The following BSN variants were observed in gnomAD, a reference collection of about 807,000 sequenced individuals.
BSN encodes bassoon presynaptic cytomatrix protein, also known as protein bassoon.
A neutral mutation model predicts 264.8 loss-of-function variants in BSN; 57 were observed. The observed-to-expected ratio is 0.22, with a 90% CI of 0.17 to 0.27. BSN has a LOEUF of 0.27. BSN is among the 10% of genes least tolerant of loss of function. The pLI is 1.00. For missense variants in BSN, 4,615 were observed against 5,232.5 expected (o/e 0.88, Z 3.64); for synonymous variants, 2,059 against 2,137.3 (o/e 0.96, Z 1.01).
chr3:49,626,383 G>A (rs2052341271), intron 2 of BSN, among the ~76,000 whole-genome samples: 1 of 152,124 alleles, frequency 6.6e-6, no homozygotes, highest in East Asian at 1.9e-4. Context: ...TTGTTCACAG[G>A]TCAGGGTCTA....
intron 1 of BSN, among the ~76,000 whole-genome samples, chr3:49,619,270 T>C (rs1195769679): frequency 1.3e-5 from 2 of 152,230 alleles, no homozygotes; most frequent in African/African-American, 4.8e-5. Context: ...GCTTACTGAG[T>C]GTCCATTCAA....
At position 49,585,444 on chromosome 3, in the gene BSN, G is replaced by A. The variant is rs1251752845; in HGVS notation, c.224+30618G>A. 1.3e-5 allele frequency among the ~76,000 whole-genome samples: 2 copies of A among 152,200 alleles called. No homozygotes were observed. Among genetic ancestry groups the A allele is most frequent in the African/African-American group, 4.8e-5 (2 of 41,458 alleles). On this transcript the variant is annotated intron_variant, in intron 1 of 11. Transcript: ENST00000296452. This position sits in a 1 kb window ranked among gnomAD's most constrained non-coding sequence, Gnocchi z 4.7. ...CTCCCTTCCCAGGCCGCAGCGGACA[G>A]ACAGGGATTGGGTTTCGTGTGCCTG...
In BSN at chr3:49,653,767, C is replaced by G. The variant is rs375909508; in HGVS notation, c.4211C>G (p.Ala1404Gly). The change falls in exon 5 of 12, where the codon GCA (alanine) becomes GGA (glycine). Residue 1404 changes from alanine to glycine, a missense_variant. By Grantham distance (60) the Ala-to-Gly change is moderately conservative. Coordinates refer to ENST00000296452, the MANE Select transcript of BSN (RefSeq NM_003458.4). The surrounding 1 kb of genome is among the most constrained non-coding windows in gnomAD (Gnocchi z 6.3). ...PRGYMTPASP[A>G]GSERSPSPSS... ...GGATATATGACTCCAGCCTCCCCAG[C>G]AGGCTCCGAGCGTAGTCCTTCACCA... 6.2e-7 allele frequency: 1 copy of G among 1,614,118 alleles called. No homozygotes were observed. The highest frequency in any genetic ancestry group is 1.3e-5 in the African/African-American group (1 of 75,008).
chr3:49,613,575 A>G (rs1031452624), intron 1 of BSN, among the ~76,000 whole-genome samples: 22 of 151,350 alleles, frequency 1.5e-4, no homozygotes, highest in African/African-American at 5.1e-4. Context: ...GCTCACTGCA[A>G]CCTCCACCTC....
rs1434669425 is a variant in BSN, at chr3:49,585,893, G to A, written c.224+31067G>A. On this transcript the variant is annotated intron_variant, in intron 1 of 11. Transcript: ENST00000296452. The surrounding 1 kb of genome is among the most constrained non-coding windows in gnomAD (Gnocchi z 4.7). ...TTTTATATGCCTGTTTGCCATTCGT[G>A]TGTCTTCTTTTGAGAAATGTCTATT... 1.8e-4 allele frequency among the ~76,000 whole-genome samples: 28 copies of A among 152,078 alleles called. No homozygotes were observed.
Position 49,643,067 on chromosome 3 carries a change from G to C in BSN, c.1433G>C (p.Ser478Thr), listed in dbSNP as rs1454826944. 6.2e-7 allele frequency: 1 copy of C among 1,613,900 alleles called. No homozygotes were observed. The highest frequency in any genetic ancestry group is 1.3e-5 in the African/African-American group (1 of 74,944). Residue 478 changes from serine to threonine, a missense_variant, in exon 3 of 12, where the codon AGC (serine) becomes ACC (threonine). This residue lies in a region of BSN where 1,197 missense variants were observed against 1,348.0 expected (regional missense o/e 0.89). Coordinates refer to ENST00000296452, the MANE Select transcript of BSN (RefSeq NM_003458.4). ...GCCGAGCTCAACGTGGGCAGCAAGA[G>C]CCCAGCCAACTATAACACATGCACC... ...CQAELNVGSK[S>T]PANYNTCTTC...
chr3:49,614,879 C>G (rs2052247485), intron 1 of BSN, among the ~76,000 whole-genome samples: 1 of 152,198 alleles, frequency 6.6e-6, no homozygotes, highest in African/African-American at 2.4e-5. Flanking sequence ...TAGACCCACT[C>G]AGGCCCCAGG....
intron 1 of BSN, among the ~76,000 whole-genome samples, chr3:49,609,089 C>CTTTTTT (rs35003449): frequency 2.2e-5 from 2 of 89,034 alleles, no homozygotes; most frequent in African/African-American, 4.3e-5. Flanking sequence ...GTTAAATTGA[C>CTTTTTT]TTTTTTTTTT....
intron 3 of BSN, among the ~76,000 whole-genome samples, 173 bp downstream of exon 3, chr3:49,643,325 C>T (rs562195457): frequency 6.6e-5 from 10 of 152,342 alleles, no homozygotes; most frequent in Middle Eastern, 3.4e-3. Flanking sequence ...CCTCAGGCCC[C>T]AGTTCTACTC....
intron 1 of BSN, among the ~76,000 whole-genome samples, chr3:49,605,177 T>C (rs1014348543): frequency 1.4e-5 from 2 of 144,138 alleles, no homozygotes; most frequent in African/African-American, 5.2e-5. Flanking sequence ...GGAGAATTGC[T>C]TGAACCTGGG....
chr3:49,654,808 A>C lies in BSN; in HGVS notation c.5252A>C (p.Tyr1751Ser). The change falls in exon 5 of 12, where the codon TAT becomes TCT. Residue 1751 changes from tyrosine to serine, a missense_variant. By Grantham distance (144) the Tyr-to-Ser change is moderately radical. Around this residue, in one of 3 missense-constraint regions of BSN, gnomAD observed 3,415 missense variants for 3,866.4 expected, o/e 0.88. Transcript: ENST00000296452. The surrounding 1 kb of genome is among the most constrained non-coding windows in gnomAD (Gnocchi z 4.1). ...FMAQQKQPVV[Y>S]GDPYQSRLDF... ...GCTCAACAAAAGCAGCCTGTGGTCT[A>C]TGGAGACCCCTACCAGAGCCGCCTT... 1 of 1,613,424 alleles carries C rather than the reference A, an allele frequency of 6.2e-7. No homozygotes were observed. The highest frequency in any genetic ancestry group is 8.5e-7 in the Non-Finnish European group (1 of 1,179,920).
chr3:49,583,200 C>T lies in BSN; in HGVS notation c.224+28374C>T, dbSNP rs535416874. On this transcript the variant is annotated intron_variant, in intron 1 of 11. Coordinates refer to ENST00000296452, the MANE Select transcript of BSN (RefSeq NM_003458.4). ...GCCAGGCTGGTCTCAAACTCCTGGC[C>T]TCAAGTGATTTGCCCACCTCGGCCT... is the stretch of plus-strand genomic sequence containing the variant. Among the ~76,000 whole-genome samples, 4 of 151,942 alleles carry T rather than the reference C, an allele frequency of 2.6e-5. No individual in the cohort carries two copies. The South Asian group carries it at 8.3e-4, about 32-fold the overall frequency.
intron 8 of BSN, 50 bp from the exon 9 acceptor site, chr3:49,664,373 T>C (rs2052694001): frequency 6.2e-7 from 1 of 1,613,016 alleles, no homozygotes; most frequent in South Asian, 1.1e-5. Context: ...TCTTAGACCC[T>C]AAAGAGCCAG....
At chr3:49,578,866 T>C (rs1050645035) in intron 1 of BSN, among the ~76,000 whole-genome samples, 2 of 152,204 alleles carry the variant, frequency 1.3e-5, no homozygotes, top group African/African-American at 4.8e-5. Flanking sequence ...ACATTTCATA[T>C]AAATGGAATC....
At chr3:49,662,739 G>GGTT in intron 6 of BSN, 137 bp from the exon 7 acceptor site, 1 of 1,364,398 alleles carries the variant, frequency 7.3e-7, no homozygotes, top group Non-Finnish European at 9.7e-7. Flanking sequence ...CCGTGGTTGC[G>GGTT]GGAGGGTGGG....
intron 1 of BSN, among the ~76,000 whole-genome samples, chr3:49,584,361 C>G (rs1275868575): frequency 6.6e-6 from 1 of 151,482 alleles, no homozygotes; most frequent in Non-Finnish European, 1.5e-5. Flanking sequence ...TATTTCACCT[C>G]TAATCTTTAT....
At chr3:49,658,972 G>T (rs2052632718) in intron 5 of BSN, among the ~76,000 whole-genome samples, 1 of 152,194 alleles carries the variant, frequency 6.6e-6, no homozygotes, top group Non-Finnish European at 1.5e-5. Flanking sequence ...TAAAGACCCT[G>T]GAAGCCTCTG....
chr3:49,604,024 T>C (rs143471203), intron 1 of BSN, among the ~76,000 whole-genome samples: 3 of 152,336 alleles, frequency 2.0e-5, no homozygotes, highest in Admixed American at 6.5e-5. Context: ...CAGTACTTCA[T>C]TGCTTTTGTT....
intron 1 of BSN, 77 bp downstream of exon 1, chr3:49,554,903 C>G: frequency 1.1e-6 from 1 of 889,628 alleles, no homozygotes; most frequent in East Asian, 3.9e-5. Flanking sequence ...ATCCCGCGAT[C>G]TAGTGTGGAC....
Sources: allele counts gnomAD v4.1 joint callset (sites outside exome capture counted in the v4.1 genomes callset), GRCh38; gene constraint gnomAD v4.1.1; regional missense constraint gnomAD v4.1.1; non-coding constraint Gnocchi (gnomAD v3.1); transcripts MANE v1.5; gene names NCBI Gene and HGNC (gene_info 2026-07-23, HGNC 2026-07-21).